Variants in KLHL1 observed in about 807,000 individuals in gnomAD.
The protein encoded by KLHL1 is kelch like family member 1, also known as kelch-like protein 1.
KLHL1 carries 47 observed loss-of-function variants against 77.7 expected under a neutral mutation model. That is an observed-to-expected ratio of 0.60 (90% CI 0.48 to 0.77). The LOEUF is 0.77. KLHL1 is among the 30% of genes least tolerant of loss of function. KLHL1 has a pLI of 0.00. For synonymous variants in KLHL1, 360 were observed against 325.2 expected (o/e 1.11, Z -1.15); for missense variants, 925 against 910.8 (o/e 1.02, Z -0.20).
At chr13:70,088,827 A>T (rs1887607417) in intron 1 of KLHL1, among the ~76,000 whole-genome samples, 1 of 151,796 alleles carries the variant, frequency 6.6e-6, no homozygotes, top group Non-Finnish European at 1.5e-5. Flanking sequence ...GAAAAAGAAC[A>T]TTTTTCCCTT....
At chr13:69,974,220 C>T (rs899651749) in intron 2 of KLHL1, among the ~76,000 whole-genome samples, 2 of 151,372 alleles carry the variant, frequency 1.3e-5, no homozygotes, top group South Asian at 2.1e-4. Context: ...ACTTAAGAAA[C>T]ACATCAATGA....
chr13:70,011,105 C>G (rs1475239057), intron 1 of KLHL1, among the ~76,000 whole-genome samples: 1 of 151,896 alleles, frequency 6.6e-6, no homozygotes, highest in Admixed American at 6.6e-5. Context: ...CACCCAATGA[C>G]TACCTGTACC....
intron 7 of KLHL1, among the ~76,000 whole-genome samples, chr13:69,747,774 CTT>C (rs1004111196): frequency 2.6e-5 from 4 of 151,768 alleles, no homozygotes; most frequent in Admixed American, 2.0e-4. Flanking sequence ...ATTGAGAAGT[CTT>C]ATATATTGCT....
intron 1 of KLHL1, among the ~76,000 whole-genome samples, chr13:70,037,335 A>G (rs1407034876): frequency 2.6e-5 from 4 of 152,024 alleles, no homozygotes; most frequent in Admixed American, 2.0e-4. Context: ...TTTTCATTCT[A>G]TAAGCACGTT....
At chr13:70,013,555 A>G (rs969215711) in intron 1 of KLHL1, among the ~76,000 whole-genome samples, 18 of 152,206 alleles carry the variant, frequency 1.2e-4, no homozygotes, top group African/African-American at 4.3e-4. Flanking sequence ...TGTTCTTTGT[A>G]TTTTAATAGA....
intron 2 of KLHL1, among the ~76,000 whole-genome samples, chr13:69,965,487 T>C (rs1003108557): frequency 4.1e-4 from 62 of 152,146 alleles, no homozygotes. Context: ...CCCTTCTCCA[T>C]GGGTCTCCCT....
intron 8 of KLHL1, among the ~76,000 whole-genome samples, chr13:69,730,411 C>A (rs1038391708): frequency 1.3e-5 from 2 of 151,956 alleles, no homozygotes; most frequent in Non-Finnish European, 2.9e-5. Context: ...AAAAACAATA[C>A]CAGGAATAAA....
intron 3 of KLHL1, among the ~76,000 whole-genome samples, chr13:69,947,687 T>A (rs1883575281): frequency 6.6e-6 from 1 of 152,172 alleles, no homozygotes; most frequent in African/African-American, 2.4e-5. Context: ...TTTCTAAAAC[T>A]TGGACTATAT....
chr13:69,952,884 C>T (rs1240853895), intron 3 of KLHL1, among the ~76,000 whole-genome samples: 5 of 151,304 alleles, frequency 3.3e-5, no homozygotes, highest in African/African-American at 4.8e-5. Flanking sequence ...TGCTTGTTTT[C>T]CCCCCATACT....
intron 10 of KLHL1, among the ~76,000 whole-genome samples, chr13:69,706,876 T>TCA (rs1450615555): frequency 2.1e-5 from 3 of 140,294 alleles, no homozygotes; most frequent in African/African-American, 8.9e-5. Flanking sequence ...CATCTTCCCA[T>TCA]CACACACACA....
At chr13:69,966,394 G>A (rs182413076) in intron 2 of KLHL1, among the ~76,000 whole-genome samples, 46 of 152,174 alleles carry the variant, frequency 3.0e-4, no homozygotes, top group East Asian at 1.2e-3. Flanking sequence ...ACAGCACATC[G>A]TTTGCAGAAT....
intron 4 of KLHL1, among the ~76,000 whole-genome samples, chr13:69,885,261 C>T (rs1271579573): frequency 6.6e-6 from 1 of 152,102 alleles, no homozygotes; most frequent in Non-Finnish European, 1.5e-5. Flanking sequence ...TTTATCTCTG[C>T]ATCTAACTTA....
At chr13:69,964,770 T>A (rs1436113078) in intron 2 of KLHL1, among the ~76,000 whole-genome samples, 1 of 152,156 alleles carries the variant, frequency 6.6e-6, no homozygotes, top group Non-Finnish European at 1.5e-5. Flanking sequence ...TTCATTGTTA[T>A]CTATCTTCTC....
At chr13:69,711,688 G>T (rs887344908) in intron 9 of KLHL1, among the ~76,000 whole-genome samples, 15 of 152,128 alleles carry the variant, frequency 9.9e-5, no homozygotes, top group Non-Finnish European at 2.2e-4. Flanking sequence ...TCATTCAGAT[G>T]TTTTTGTACG....
chr13:70,069,178 T>C (rs1887082835), intron 1 of KLHL1, among the ~76,000 whole-genome samples: 2 of 152,120 alleles, frequency 1.3e-5, no homozygotes, highest in South Asian at 4.1e-4. Flanking sequence ...ACAAGCCCCA[T>C]ACGCTACCAT....
intron 7 of KLHL1, among the ~76,000 whole-genome samples, chr13:69,788,586 C>A (rs1420570098): frequency 6.6e-6 from 1 of 152,074 alleles, no homozygotes; most frequent in African/African-American, 2.4e-5. Context: ...GGGTACAGCA[C>A]ACCAACATGG....
At chr13:69,735,516 A>T (rs1391200942) in intron 8 of KLHL1, among the ~76,000 whole-genome samples, 1 of 149,626 alleles carries the variant, frequency 6.7e-6, no homozygotes, top group Non-Finnish European at 1.5e-5. Context: ...TTATATATAA[A>T]TTATCTTTTA....
chr13:70,078,162 T>A (rs1345215910), intron 1 of KLHL1, among the ~76,000 whole-genome samples: 2 of 151,888 alleles, frequency 1.3e-5, no homozygotes, highest in Admixed American at 1.3e-4. Flanking sequence ...CTGTCTAGCA[T>A]GCTCTAATGA....
intron 1 of KLHL1, among the ~76,000 whole-genome samples, chr13:70,100,994 T>G (rs902839906): frequency 1.3e-5 from 2 of 152,186 alleles, no homozygotes; most frequent in Admixed American, 1.3e-4. Context: ...ATAAGTGTTC[T>G]TGGTCAAAAA....
Sources: allele counts gnomAD v4.1 joint callset (sites outside exome capture counted in the v4.1 genomes callset), GRCh38; gene constraint gnomAD v4.1.1; transcripts MANE v1.5; gene names NCBI Gene and HGNC (gene_info 2026-07-23, HGNC 2026-07-21).